Variants in ARSB observed in about 807,000 individuals in gnomAD.
ARSB encodes the protein N-acetylgalactosamine-4-sulfatase.
Under a neutral mutation model 50.9 loss-of-function variants are expected in ARSB, and 41 were observed. The ratio of observed to expected loss-of-function variants is 0.81; its 90% confidence interval spans 0.63 to 1.04. The LOEUF is 1.04. Among genes scored for constraint, ARSB ranks in the 50% least tolerant of loss-of-function variants. The pLI is 0.00. For synonymous variants in ARSB, 269 were observed against 284.8 expected (o/e 0.94, Z 0.56); for missense variants, 672 against 693.3 (o/e 0.97, Z 0.35).
chr5:78,893,609 C>T (rs140053380), intron 4 of ARSB, among the ~76,000 whole-genome samples: 1 of 152,296 alleles, frequency 6.6e-6, no homozygotes, highest in African/African-American at 2.4e-5. Context: ...AACTGGAAAA[C>T]AGTGTCCTAA....
Position 78,961,451 on chromosome 5 carries a change from A to G in ARSB, c.690+2965T>C, listed in dbSNP as rs569039537. Among the ~76,000 whole-genome samples the G allele has an allele frequency of 1.0e-3, 159 of 152,286 alleles. 1 individual carries two copies. The highest frequency in any genetic ancestry group is 1.7e-3 in the Non-Finnish European group (117 of 68,020). On this transcript the variant is annotated intron_variant, in intron 3 of 7. Transcript: ENST00000264914. ...ACAATAGGAAAATGACCATCCTCTC[A>G]TCTGGCAATTTCCAAACAGTTACCT...
chr5:78,863,229 T>TAC (rs1746536238), intron 5 of ARSB, among the ~76,000 whole-genome samples: 1 of 150,780 alleles, frequency 6.6e-6, no homozygotes. Flanking sequence ...ACTAGAAAAA[T>TAC]CGTTTGACCC....
intron 4 of ARSB, among the ~76,000 whole-genome samples, chr5:78,954,049 A>G (rs1751599403): frequency 6.6e-6 from 1 of 152,098 alleles, no homozygotes; most frequent in Non-Finnish European, 1.5e-5. Context: ...TAGGAAGCTT[A>G]CAAAACAGTA....
intron 5 of ARSB, among the ~76,000 whole-genome samples, chr5:78,856,737 A>AT (rs752194675): frequency 2.6e-5 from 4 of 152,332 alleles, no homozygotes; most frequent in Non-Finnish European, 5.9e-5. Context: ...ACACACACAT[A>AT]TATGCATGTA....
chr5:78,857,333 G>A (rs1010931862), intron 5 of ARSB, among the ~76,000 whole-genome samples: 1 of 152,082 alleles, frequency 6.6e-6, no homozygotes, highest in East Asian at 1.9e-4. Context: ...ATTATAGACT[G>A]TATATTAAAA....
At chr5:78,927,622 A>G (rs188983450) in intron 4 of ARSB, among the ~76,000 whole-genome samples, 6 of 152,354 alleles carry the variant, frequency 3.9e-5, no homozygotes, top group Admixed American at 3.9e-4. Context: ...AGAAAGGCTT[A>G]GAGGCTCTTT....
intron 6 of ARSB, among the ~76,000 whole-genome samples, chr5:78,795,509 T>G (rs1010645265): frequency 2.0e-5 from 3 of 152,206 alleles, no homozygotes; most frequent in Non-Finnish European, 2.9e-5. Context: ...TGCCAGCGTG[T>G]ACCAAAGAAG....
chr5:78,913,188 G>T (rs961884457), intron 4 of ARSB, among the ~76,000 whole-genome samples: 3 of 151,028 alleles, frequency 2.0e-5, no homozygotes, highest in African/African-American at 4.9e-5. Flanking sequence ...GCAGTGGCGC[G>T]ATCTCCGCTC....
chr5:78,866,249 G>C (rs1224092361), intron 5 of ARSB, among the ~76,000 whole-genome samples: 3 of 152,138 alleles, frequency 2.0e-5, no homozygotes, highest in Non-Finnish European at 4.4e-5. Context: ...AGGCAAGGAG[G>C]AGCCAGTCAC....
chr5:78,937,647 A>G (rs1312693995), intron 4 of ARSB, among the ~76,000 whole-genome samples: 1 of 151,364 alleles, frequency 6.6e-6, no homozygotes, highest in Non-Finnish European at 1.5e-5. Flanking sequence ...AAACATAGAG[A>G]TTGAGAGGCA....
intron 4 of ARSB, among the ~76,000 whole-genome samples, chr5:78,898,097 G>A (rs770223730): frequency 5.9e-5 from 9 of 151,966 alleles, no homozygotes; most frequent in African/African-American, 1.9e-4. Context: ...GAGAAACCCC[G>A]GCTCTACTAA....
chr5:78,917,659 T>C (rs1032100829), intron 4 of ARSB, among the ~76,000 whole-genome samples: 1 of 152,136 alleles, frequency 6.6e-6, no homozygotes, highest in Non-Finnish European at 1.5e-5. Flanking sequence ...ATTACAGTTG[T>C]GTGCCACCAC....
At chr5:78,938,671 G>C (rs1750747701) in intron 4 of ARSB, among the ~76,000 whole-genome samples, 2 of 152,146 alleles carry the variant, frequency 1.3e-5, no homozygotes, top group Admixed American at 1.3e-4. Flanking sequence ...TTAAAACCTT[G>C]AATGAGCTCT....
chr5:78,827,041 C>G (rs145853818), intron 6 of ARSB, among the ~76,000 whole-genome samples: 138 of 152,222 alleles, frequency 9.1e-4, no homozygotes, highest in African/African-American at 3.3e-3. Context: ...AGAACAGAGT[C>G]CAGATAGTGA....
chr5:78,812,642 A>G (rs1743856704), intron 6 of ARSB, among the ~76,000 whole-genome samples: 1 of 144,706 alleles, frequency 6.9e-6, no homozygotes, highest in Non-Finnish European at 1.5e-5. Context: ...TGATATCACA[A>G]TTTAGCATTA....
chr5:78,967,297 C>T (rs1417277088), intron 2 of ARSB, among the ~76,000 whole-genome samples: 1 of 152,150 alleles, frequency 6.6e-6, no homozygotes, highest in South Asian at 2.1e-4. Context: ...TTTGCTTTTC[C>T]TGAACATCTG....
At chr5:78,967,617 G>C (rs1752260242) in intron 2 of ARSB, among the ~76,000 whole-genome samples, 3 of 150,958 alleles carry the variant, frequency 2.0e-5, no homozygotes, top group African/African-American at 7.3e-5. Context: ...AGGTTGCAGT[G>C]AGCCGAGATC....
chr5:78,794,624 A>G lies in ARSB; in HGVS notation c.1214-12650T>C, dbSNP rs1743114944. ...GAGGTGATAGGAAGGAGGAGGAGGG[A>G]GAGGAGGAAGAATGTTTTATCAGGC... On this transcript the variant is annotated intron_variant, in intron 6 of 7. Coordinates refer to ENST00000264914, the MANE Select transcript of ARSB (RefSeq NM_000046.5). Among the ~76,000 whole-genome samples the G allele has an allele frequency of 3.3e-5, 5 of 152,182 alleles. No homozygotes were observed. The South Asian group carries it at 1.0e-3, about 32-fold the overall frequency.
intron 5 of ARSB, among the ~76,000 whole-genome samples, chr5:78,849,719 T>C (rs1444383914): frequency 1.4e-5 from 2 of 146,456 alleles, no homozygotes; most frequent in South Asian, 2.3e-4. Context: ...CATTTGTTTG[T>C]ATCCTCTTTT....
Sources: allele counts gnomAD v4.1 joint callset (sites outside exome capture counted in the v4.1 genomes callset), GRCh38; gene constraint gnomAD v4.1.1; transcripts MANE v1.5; gene names NCBI Gene and HGNC (gene_info 2026-07-23, HGNC 2026-07-21).